The following PLIN4 variants were observed in gnomAD, a reference collection of about 807,000 sequenced individuals.
PLIN4 encodes the protein perilipin-4.
PLIN4 carries 57 observed loss-of-function variants against 52.4 expected under a neutral mutation model. The ratio of observed to expected loss-of-function variants is 1.09; its 90% CI spans 0.88 to 1.36. The LOEUF is 1.36. PLIN4 is among the 40% of genes most tolerant of loss of function. PLIN4 has a pLI of 0.00. For missense variants in PLIN4, 1,757 were observed against 1,770.3 expected, an observed-to-expected ratio of 0.99 and a Z score of 0.13; for synonymous variants, 826 against 785.4, an observed-to-expected ratio of 1.05 and a Z score of -0.86.
Position 4,508,874 on chromosome 19 carries a change from C to G in PLIN4, c.3596G>C (p.Gly1199Ala). Residue 1199 changes from glycine (G) to alanine (A), a missense_variant, in exon 6 of 8, where the codon GGT becomes GCT. This residue lies in a region of PLIN4 where 712 missense variants were observed against 637.1 expected (regional missense o/e 1.12). Transcript: ENST00000301286. ...AAATGCCCGCTGGCGGAAGCTGGGA[C>G]CCAGGTCACCTAAACGAACGAAGTA... ...GSYFVRLGDL[G>A]PSFRQRAFEH... 6.2e-7 allele frequency: 1 copy of G among 1,613,062 alleles called. No individual in the cohort carries two copies. The highest frequency in any genetic ancestry group is 8.5e-7 in the Non-Finnish European group (1 of 1,179,806).
intron 5 of PLIN4, among the ~76,000 whole-genome samples, chr19:4,509,750 G>A (rs781763596): frequency 2.6e-5 from 4 of 151,976 alleles, no homozygotes; most frequent in South Asian, 2.1e-4. Flanking sequence ...GACCAGCCTG[G>A]GCAACATAGA....
Position 4,513,655 on chromosome 19 carries a change from G to C in PLIN4, c.305C>G (p.Ala102Gly), listed in dbSNP as rs763186240. 6.2e-7 allele frequency: 1 copy of C among 1,605,138 alleles called. No individual in the cohort carries two copies. Among genetic ancestry groups the C allele is most frequent in the Non-Finnish European group, 8.5e-7 (1 of 1,175,802 alleles). ...KDLVCSKMSRAKDAVSSGVAS... is the reference protein window; with the variant it reads ...KDLVCSKMSRGKDAVSSGVAS... ...CACCCCGGAGGACACGGCATCCTTG[G>C]CCCTGGACATCTTGGAACACACCAG... The change falls in exon 5 of 8, where the codon GCC becomes GGC. Residue 102 changes from alanine to glycine, a missense_variant. This residue lies in a region of PLIN4 where 332 missense variants were observed against 310.8 expected (regional missense o/e 1.07). Transcript: ENST00000301286.
Position 4,502,752 on chromosome 19 carries a change from T to C in PLIN4, c.*1707A>G, listed in dbSNP as rs1020932872. 8 of 154,760 alleles carry C rather than the reference T, an allele frequency of 5.2e-5. No homozygotes were observed. The highest frequency in any genetic ancestry group is 1.9e-4 in the African/African-American group (8 of 41,460). 9.6% of individuals were successfully genotyped at this position (154,760 alleles called of 1,614,324 possible). On this transcript the variant is annotated 3_prime_UTR_variant, in exon 8 of 8. Coordinates refer to ENST00000301286, the MANE Select transcript of PLIN4 (RefSeq NM_001367868.2). ...CGGGGCTTCTCTTTCCTCCTCTGCA[T>C]AAGGGGCTGTCACGTGGGCACGGTC...
intron 4 of PLIN4, 145 bp from the exon 5 acceptor site, chr19:4,513,846 T>G: frequency 3.8e-6 from 4 of 1,061,370 alleles, no homozygotes; most frequent in Non-Finnish European, 5.2e-6. Flanking sequence ...AGCAAGCTGC[T>G]TCCTCCTCAC....
At chr19:4,516,859 G>C (rs540570533) in intron 3 of PLIN4, among the ~76,000 whole-genome samples, 181 bp from the exon 4 acceptor site, 2 of 152,308 alleles carry the variant, frequency 1.3e-5, no homozygotes, top group South Asian at 4.1e-4. Context: ...CCCCAACCCC[G>C]CTGGGGGCTC....
At chr19:4,505,894 C>T (rs771495982) in intron 6 of PLIN4, among the ~76,000 whole-genome samples, 4 of 152,022 alleles carry the variant, frequency 2.6e-5, no homozygotes, top group East Asian at 3.9e-4. Context: ...CCTCAGCCCC[C>T]CTGCTCTCCT....
In PLIN4 at chr19:4,510,850, G is replaced by A. The variant is rs1414027964; in HGVS notation, c.3110C>T (p.Ser1037Leu). The stretch of plus-strand genomic sequence containing the variant: ...GGTGGCCCCTGTCGCCACGTTCCCT[G>A]ACCCCATGAGCCCAGCGGACACTGC... The part of the protein sequence containing the change: ...KDAVSAGLMG[S>L]GNVATGATHT... The change falls in exon 5 of 8, where the codon TCA (serine) becomes TTA (leucine). Residue 1037 changes from serine to leucine, a missense_variant. By Grantham distance (145) the Ser-to-Leu change is moderately radical. Coordinates refer to ENST00000301286, the MANE Select transcript of PLIN4 (RefSeq NM_001367868.2). 1.9e-6 allele frequency: 3 copies of A among 1,613,204 alleles called. No individual in the cohort carries two copies. The highest frequency in any genetic ancestry group is 2.2e-5 in the East Asian group (1 of 44,858).
At chr19:4,505,391 C>G (rs923576798) in intron 6 of PLIN4, among the ~76,000 whole-genome samples, 1 of 152,200 alleles carries the variant, frequency 6.6e-6, no homozygotes, top group African/African-American at 2.4e-5. Context: ...ACACACTGCC[C>G]ACTCAGCCGG....
At chr19:4,505,877 G>A (rs1390980182) in intron 6 of PLIN4, among the ~76,000 whole-genome samples, 2 of 151,928 alleles carry the variant, frequency 1.3e-5, no homozygotes, top group Non-Finnish European at 2.9e-5. Context: ...CAACCCGCCC[G>A]GCCTCCCCTC....
In PLIN4 at chr19:4,518,097, C is replaced by A. The variant is rs1599755956; in HGVS notation, c.51+125G>T. ...GATTGGCATCATGGCTCCCAGACCG[C>A]CCCCACCAGCCCACCAGGGAAGCAC... On this transcript the variant is annotated intron_variant, in intron 2 of 7. Transcript: ENST00000301286. 8.2e-6 allele frequency: 7 copies of A among 854,932 alleles called. No homozygotes were observed. In the East Asian group the frequency reaches 2.3e-4, roughly 28 times the overall value. The allele number at this position is 854,932 out of a possible 1,614,324, so 53.0% of individuals were successfully genotyped here.
chr19:4,516,583 G>C, intron 4 of PLIN4, 34 bp downstream of exon 4: 1 of 1,584,964 alleles, frequency 6.3e-7, no homozygotes, highest in African/African-American at 1.3e-5. Context: ...CAGGGCTCCT[G>C]CCACATCAGA....
Position 4,508,641 on chromosome 19 carries a change from T to C in PLIN4, c.3702+127A>G, listed in dbSNP as rs575304205. The C allele has an allele frequency of 7.8e-5, 84 of 1,074,632 alleles. 3 individuals are homozygous for C. In the South Asian group the frequency reaches 1.2e-3, roughly 16 times the overall value. The allele number at this position is 1,074,632 out of a possible 1,614,324, so 66.6% of individuals were successfully genotyped here. On this transcript the variant is annotated intron_variant, in intron 6 of 7. Coordinates refer to ENST00000301286, the MANE Select transcript of PLIN4 (RefSeq NM_001367868.2). ...GGCAAGCCCCATGAGTACAGAGCCATGACCATTGGTGACGCTGACAGCATC... is the reference window on the plus strand; with the variant it reads ...GGCAAGCCCCATGAGTACAGAGCCACGACCATTGGTGACGCTGACAGCATC...
At position 4,512,116 on chromosome 19, in the gene PLIN4, G is replaced by C. The variant is rs1976400938; in HGVS notation, c.1844C>G (p.Thr615Ser). The change falls in exon 5 of 8, where the codon ACC becomes AGC. Residue 615 changes from threonine to serine, a missense_variant. Thr to Ser is a moderately conservative substitution (Grantham distance 58). Around this residue, in one of 7 missense-constraint regions of PLIN4, gnomAD observed 439 missense variants for 406.4 expected, o/e 1.08. Transcript: ENST00000301286. ...LVGAVNVAKG[T>S]VQTGMDTTKT... Reference sequence around the variant, plus strand: ...GGTGGTGTCCATGCCTGTCTGGACGGTCCCTTTGGCGACATTCACTGCCCC... The same window carrying C: ...GGTGGTGTCCATGCCTGTCTGGACGCTCCCTTTGGCGACATTCACTGCCCC... 1 of 1,606,842 alleles carries C rather than the reference G, an allele frequency of 6.2e-7. No individual in the cohort carries two copies. Among genetic ancestry groups the C allele is most frequent in the East Asian group, 2.2e-5 (1 of 44,718 alleles).
intron 5 of PLIN4, among the ~76,000 whole-genome samples, chr19:4,509,933 C>G (rs1350509540): frequency 6.7e-6 from 1 of 148,442 alleles, no homozygotes; most frequent in East Asian, 2.0e-4. Flanking sequence ...GAAAAAGGGC[C>G]AGGTGCTCTC....
At chr19:4,509,026 A>AG (rs1303311768) in intron 5 of PLIN4, 71 bp from the exon 6 acceptor site, 1 of 1,454,138 alleles carries the variant, frequency 6.9e-7, no homozygotes, top group African/African-American at 1.4e-5. Context: ...AAGTCAAGTG[A>AG]GGGCCGGGCG....
At chr19:4,514,264 C>A (rs1440817912) in intron 4 of PLIN4, among the ~76,000 whole-genome samples, 1 of 151,994 alleles carries the variant, frequency 6.6e-6, no homozygotes, top group African/African-American at 2.4e-5. Flanking sequence ...TCAACCTGGG[C>A]AACCAAACAA....
In PLIN4 at chr19:4,517,711, G is replaced by C. The variant is rs750993101; in HGVS notation, c.52-13C>G. On this transcript the variant is annotated splice_polypyrimidine_tract_variant and intron_variant, in intron 2 of 7. Coordinates refer to ENST00000301286, the MANE Select transcript of PLIN4 (RefSeq NM_001367868.2). ...AGCTGCCCAGGGTCTGCATGGGGGCGGGGGGTGTGCAGGATGAGCAGGCCA... is the reference window on the plus strand; with the variant it reads ...AGCTGCCCAGGGTCTGCATGGGGGCCGGGGGTGTGCAGGATGAGCAGGCCA... 3.8e-6 allele frequency: 6 copies of C among 1,571,768 alleles called. No individual in the cohort carries two copies. Among genetic ancestry groups the C allele is most frequent in the African/African-American group, 1.3e-5 (1 of 74,104 alleles).
At position 4,510,526 on chromosome 19, in the gene PLIN4, T is replaced by G; in HGVS notation, c.3434A>C (p.Glu1145Ala). Residue 1145 changes from glutamate to alanine, a missense_variant, in exon 5 of 8, where the codon GAA (glutamate) becomes GCA (alanine). Glu to Ala is a moderately radical substitution (Grantham distance 107, BLOSUM62 -1). This residue lies in a region of PLIN4 where 712 missense variants were observed against 637.1 expected (regional missense o/e 1.12). Transcript: ENST00000301286. ...CTGCAGCATTGCCAAGCGTGGGGCT[T>G]CTTCGGGGCCGTGTGTGGTGGCCAA... ...GLLATTHGPE[E>A]APRLAMLQNE... 6.7e-7 allele frequency: 1 copy of G among 1,483,488 alleles called. No individual in the cohort carries two copies. Among genetic ancestry groups the G allele is most frequent in the Non-Finnish European group, 9.0e-7 (1 of 1,116,684 alleles). 91.9% of individuals were successfully genotyped at this position (1,483,488 alleles called of 1,614,324 possible).
At chr19:4,505,753 G>A (rs933678328) in intron 6 of PLIN4, among the ~76,000 whole-genome samples, 14 of 152,046 alleles carry the variant, frequency 9.2e-5, no homozygotes, top group Non-Finnish European at 1.5e-4. Context: ...CCCAGCCCTC[G>A]CCGCGCCAGT....
Sources: allele counts gnomAD v4.1 joint callset (sites outside exome capture counted in the v4.1 genomes callset), GRCh38; gene constraint gnomAD v4.1.1; regional missense constraint gnomAD v4.1.1; transcripts MANE v1.5; gene names NCBI Gene and HGNC (gene_info 2026-07-23, HGNC 2026-07-21).